SPAG16: variants seen among roughly 807,000 people sequenced by gnomAD.
SPAG16 encodes the protein sperm-associated antigen 16 protein.
SPAG16 carries 86 observed loss-of-function variants against 80.4 expected under a neutral mutation model. The observed-to-expected ratio is 1.07, with a 90% CI of 0.90 to 1.28. The LOEUF (loss-of-function observed/expected upper bound fraction) is 1.28. Ranked by LOEUF, SPAG16 falls within the 50% of genes most tolerant of loss-of-function variation. SPAG16 has a pLI of 0.00. For missense variants in SPAG16, 870 were observed against 765.3 expected (o/e 1.14, Z -1.61); for synonymous variants, 294 against 265.9 (o/e 1.11, Z -1.03).
chr2:213,287,418 C>G (rs1270930359), intron 1 of SPAG16, among the ~76,000 whole-genome samples: 1 of 152,182 alleles, frequency 6.6e-6, no homozygotes, highest in Non-Finnish European at 1.5e-5. Flanking sequence ...TGAATTTGTA[C>G]TAAGAAAGCT....
intron 9 of SPAG16, among the ~76,000 whole-genome samples, chr2:213,451,293 T>A (rs1820289): frequency 0.015 from 2,217 of 152,314 alleles, 24 homozygotes; most frequent in South Asian, 0.038. Flanking sequence ...AACAAGTACG[T>A]TATCCTCTTT....
intron 12 of SPAG16, among the ~76,000 whole-genome samples, chr2:213,963,714 G>T (rs1485101314): frequency 6.6e-6 from 1 of 152,014 alleles, no homozygotes; most frequent in Non-Finnish European, 1.5e-5. Context: ...TTTATTTTAT[G>T]TACCTATTAT....
rs142406471 is a variant in SPAG16 at position 214,000,106 on chromosome 2, A to G, written c.1401-13845A>G. 5.6e-3 allele frequency among the ~76,000 whole-genome samples: 850 copies of G among 152,258 alleles called. 7 individuals are homozygous for G. Among genetic ancestry groups the G allele is most frequent in the African/African-American group, 0.02 (818 of 41,560 alleles). Reference sequence around the variant, plus strand: ...ATAATTGGTTTTCAAATGTGAGGACATGAGATTTGGAGGGGCCAGGGGTAG... The same window carrying G: ...ATAATTGGTTTTCAAATGTGAGGACGTGAGATTTGGAGGGGCCAGGGGTAG... On this transcript the variant is annotated intron_variant, in intron 12 of 15. Transcript: ENST00000331683.
intron 13 of SPAG16, among the ~76,000 whole-genome samples, chr2:214,096,081 G>A (rs1474498997): frequency 1.3e-5 from 2 of 151,876 alleles, no homozygotes; most frequent in Admixed American, 1.3e-4. Flanking sequence ...TTTAAATTTT[G>A]ACTCTATTTG....
rs181204651 is a variant in SPAG16, at chr2:214,012,968, G to A, written c.1401-983G>A. On this transcript the variant is annotated intron_variant, in intron 12 of 15. Coordinates refer to ENST00000331683, the MANE Select transcript of SPAG16 (RefSeq NM_024532.5). ...TCTGATTCAATAGGTTTGGGATGAC[G>A]CCTGAGAATTTGCATTTCAGACACG... 2.1e-3 allele frequency among the ~76,000 whole-genome samples: 323 copies of A among 152,212 alleles called. 2 individuals are homozygous for A. The highest frequency in any genetic ancestry group is 7.6e-3 in the African/African-American group (314 of 41,514).
At chr2:214,320,005 C>G (rs778190303) in intron 15 of SPAG16, among the ~76,000 whole-genome samples, 16 of 152,198 alleles carry the variant, frequency 1.1e-4, no homozygotes, top group Non-Finnish European at 1.6e-4. Context: ...CAAAATTACA[C>G]ACAGGATACA....
intron 15 of SPAG16, among the ~76,000 whole-genome samples, chr2:214,186,417 GA>G (rs1462539867): frequency 6.6e-6 from 1 of 152,168 alleles, no homozygotes; most frequent in African/African-American, 2.4e-5. Context: ...AGGGGAAGAT[GA>G]AAGTCATTGG....
intron 10 of SPAG16, among the ~76,000 whole-genome samples, chr2:213,554,052 A>G (rs758181320): frequency 3.0e-4 from 46 of 152,102 alleles, no homozygotes; most frequent in Non-Finnish European, 6.5e-4. Flanking sequence ...TGGCCTCTCC[A>G]TCAGATACCA....
chr2:214,369,227 C>T (rs1699665188), intron 15 of SPAG16, among the ~76,000 whole-genome samples: 1 of 151,916 alleles, frequency 6.6e-6, no homozygotes, highest in Non-Finnish European at 1.5e-5. Flanking sequence ...ATGGGCACAC[C>T]TCTTGGCAAC....
At chr2:214,257,022 T>C (rs1401022073) in intron 15 of SPAG16, among the ~76,000 whole-genome samples, 1 of 151,956 alleles carries the variant, frequency 6.6e-6, no homozygotes, top group Non-Finnish European at 1.5e-5. Context: ...TTTTGTATCT[T>C]GCAATCCGTG....
At position 213,842,129 on chromosome 2, in the gene SPAG16, A is replaced by T. The variant is rs553350257; in HGVS notation, c.1071-20356A>T. On this transcript the variant is annotated intron_variant, in intron 10 of 15. Coordinates refer to ENST00000331683, the MANE Select transcript of SPAG16 (RefSeq NM_024532.5). Reference sequence around the variant, plus strand: ...ATGAATTAAGAATTGTGTATTTTGAATTTTTTTTCCAAAGGCAAAATTTTC... The same window carrying T: ...ATGAATTAAGAATTGTGTATTTTGATTTTTTTTTCCAAAGGCAAAATTTTC... 1.7e-3 allele frequency among the ~76,000 whole-genome samples: 259 copies of T among 152,156 alleles called. 3 individuals carry two copies. Among genetic ancestry groups the T allele is most frequent in the African/African-American group, 6.0e-3 (249 of 41,534 alleles).
At chr2:214,072,346 T>A (rs2050826850) in intron 13 of SPAG16, among the ~76,000 whole-genome samples, 1 of 152,140 alleles carries the variant, frequency 6.6e-6, no homozygotes, top group South Asian at 2.1e-4. Context: ...CCCAAATGAA[T>A]GTTGTATTGT....
At chr2:214,073,687 G>C (rs912992552) in intron 13 of SPAG16, among the ~76,000 whole-genome samples, 1 of 152,144 alleles carries the variant, frequency 6.6e-6, no homozygotes, top group African/African-American at 2.4e-5. Flanking sequence ...TTTATAGAAA[G>C]ACAAGTGATT....
chr2:213,309,555 C>T (rs1476371489), intron 3 of SPAG16, among the ~76,000 whole-genome samples: 1 of 152,012 alleles, frequency 6.6e-6, no homozygotes, highest in African/African-American at 2.4e-5. Context: ...TACCTTCTTA[C>T]TATCCTTTAG....
intron 15 of SPAG16, among the ~76,000 whole-genome samples, chr2:214,352,045 G>A (rs1341122965): frequency 6.7e-6 from 1 of 149,258 alleles, no homozygotes; most frequent in East Asian, 2.0e-4. Flanking sequence ...CCTTCTTGCT[G>A]TGTCCTCCCA....
intron 11 of SPAG16, among the ~76,000 whole-genome samples, chr2:213,922,954 A>G (rs1315454053): frequency 1.3e-5 from 2 of 152,146 alleles, no homozygotes; most frequent in Non-Finnish European, 1.5e-5. Context: ...CTGGGGAAAC[A>G]TGGGGTTGCA....
At chr2:213,546,241 T>C (rs529974909) in intron 10 of SPAG16, among the ~76,000 whole-genome samples, 5 of 152,272 alleles carry the variant, frequency 3.3e-5, no homozygotes, top group Non-Finnish European at 7.4e-5. Context: ...TGCTCTCTTC[T>C]GTTTTGCTAA....
intron 15 of SPAG16, among the ~76,000 whole-genome samples, chr2:214,386,593 G>T (rs925985052): frequency 1.3e-5 from 2 of 151,978 alleles, no homozygotes; most frequent in African/African-American, 4.8e-5. Flanking sequence ...CAGGCAATGT[G>T]GTACATGCCT....
intron 6 of SPAG16, among the ~76,000 whole-genome samples, chr2:213,348,330 C>T (rs2065119656): frequency 6.6e-6 from 1 of 152,100 alleles, no homozygotes; most frequent in Non-Finnish European, 1.5e-5. Context: ...ACTCCTTATC[C>T]AGTTTGCCAG....
Sources: gnomAD v4.1 joint callset for allele counts (sites outside exome capture counted in the v4.1 genomes callset) on GRCh38, gnomAD v4.1.1 for gene constraint, MANE v1.5 for transcripts, NCBI Gene and HGNC (gene_info 2026-07-23, HGNC 2026-07-21) for gene names.